The following SPCS3 variants were observed in gnomAD, a reference collection of about 807,000 sequenced individuals.
SPCS3 encodes the protein SPase 22 kDa subunit.
A neutral mutation model predicts 17.2 loss-of-function variants in SPCS3; 9 were observed. The ratio of observed to expected loss-of-function variants is 0.52; its 90% CI spans 0.31 to 0.91. The LOEUF is 0.91. SPCS3 is among the 40% of genes least tolerant of loss of function. The probability of loss-of-function intolerance (pLI) is 0.04; values close to 1 mark genes in which losing one functional copy is unlikely to be tolerated. For missense variants in SPCS3, 139 were observed against 217.5 expected, an observed-to-expected ratio of 0.64 and a Z score of 2.27; for synonymous variants, 87 against 89.6, an observed-to-expected ratio of 0.97 and a Z score of 0.16.
In SPCS3 at chr4:176,329,382, C is replaced by CT. The variant is rs1479400291; in HGVS notation, c.*1053dup. The CT allele has an allele frequency of 9.9e-5, 15 of 152,096 alleles. No homozygotes were observed. Among genetic ancestry groups the CT allele is most frequent in the African/African-American group, 3.6e-4 (15 of 41,438 alleles). The allele number at this position is 152,096 out of a possible 1,614,324, so 9.4% of individuals were successfully genotyped here. On this transcript the variant is annotated 3_prime_UTR_variant, in exon 5 of 5. Coordinates refer to ENST00000503362, the MANE Select transcript of SPCS3 (RefSeq NM_021928.4). The stretch of plus-strand genomic sequence containing the variant: ...GCAAGGAGTGGAATTAAAACTTGAA[C>CT]TCAGATCTTCTAATTTTCTGAGCTC...
At chr4:176,322,364 G>A (rs373616328) in intron 2 of SPCS3, 121 bp downstream of exon 2, 1 of 621,576 alleles carries the variant, frequency 1.6e-6, no homozygotes, top group Non-Finnish European at 2.7e-6. Context: ...TGGAAATTCC[G>A]CCTTTTTCAT....
chr4:176,325,858 C>T (rs1327860019), intron 3 of SPCS3, among the ~76,000 whole-genome samples: 1 of 152,098 alleles, frequency 6.6e-6, no homozygotes, highest in African/African-American at 2.4e-5. Context: ...ATTCCCCTGC[C>T]TCAGCCCCCC....
intron 3 of SPCS3, 113 bp from the exon 4 acceptor site, chr4:176,327,049 C>T (rs1731616838): frequency 8.0e-6 from 5 of 627,858 alleles, no homozygotes; most frequent in Admixed American, 3.6e-5. Flanking sequence ...TCAGCAAGCT[C>T]CTCAAGTTGA....
At chr4:176,322,930 C>T (rs1393894134) in intron 2 of SPCS3, among the ~76,000 whole-genome samples, 1 of 152,010 alleles carries the variant, frequency 6.6e-6, no homozygotes, top group African/African-American at 2.4e-5. Context: ...CCATTTCTAG[C>T]CTGATTTCAT....
At chr4:176,322,050 G>A (rs1731545627) in intron 1 of SPCS3, 120 bp from the exon 2 acceptor site, 2 of 542,390 alleles carry the variant, frequency 3.7e-6, no homozygotes, top group Admixed American at 3.7e-5. Context: ...GTGTTTACTC[G>A]TTTCTTTGTG....
Position 176,328,395 on chromosome 4 carries a change from C to A in SPCS3, c.*65C>A. ...GAATTGTATCTCATTAATCTCTTCC[C>A]TTACATCTTCATGTATTGTTGGTTT... On this transcript the variant is annotated 3_prime_UTR_variant, in exon 5 of 5. Coordinates refer to ENST00000503362, the MANE Select transcript of SPCS3 (RefSeq NM_021928.4). 1 of 1,289,992 alleles carries A rather than the reference C, an allele frequency of 7.8e-7. No homozygotes were observed. The highest frequency in any genetic ancestry group is 2.9e-5 in the East Asian group (1 of 34,478). The allele number at this position is 1,289,992 out of a possible 1,614,324, so 79.9% of individuals were successfully genotyped here.
chr4:176,331,077 G>A lies in SPCS3; in HGVS notation c.*2747G>A, dbSNP rs1212726972. 1 of 152,122 alleles carries A rather than the reference G, an allele frequency of 6.6e-6. No individual in the cohort carries two copies. The highest frequency in any genetic ancestry group is 1.5e-5 in the Non-Finnish European group (1 of 68,034). 9.4% of individuals were successfully genotyped at this position (152,122 alleles called of 1,614,324 possible). A position where few individuals can be genotyped will look rare whatever the true frequency, so the allele number is the denominator to read the frequency against. ...TACAGTTCTTTGGTGGGTCTCGTCAGCCAATTCATAGCTGGGCTTTAAGAT... is the reference window on the plus strand; with the variant it reads ...TACAGTTCTTTGGTGGGTCTCGTCAACCAATTCATAGCTGGGCTTTAAGAT... On this transcript the variant is annotated 3_prime_UTR_variant, in exon 5 of 5. Coordinates refer to ENST00000503362, the MANE Select transcript of SPCS3 (RefSeq NM_021928.4).
chr4:176,327,925 A>G (rs914434571), intron 4 of SPCS3, among the ~76,000 whole-genome samples: 1 of 152,170 alleles, frequency 6.6e-6, no homozygotes, highest in Non-Finnish European at 1.5e-5. Context: ...TGTTTTAATC[A>G]TTTAAACTTT....
chr4:176,320,202 C>A lies in SPCS3; in HGVS notation c.126C>A (p.His42Gln). The change falls in exon 1 of 5, where the codon CAC (histidine) becomes CAA (glutamine). Residue 42 changes from histidine (H) to glutamine (Q), a missense_variant. Coordinates refer to ENST00000503362, the MANE Select transcript of SPCS3 (RefSeq NM_021928.4). The stretch of plus-strand genomic sequence containing the variant: ...ACAGGAGCGTCCCGGTGCGGCTGCA[C>A]GTCTCGCGGATCATGCTGTGAGTGA... ...FKDRSVPVRL[H>Q]VSRIMLKNVE... 4 of 1,571,650 alleles carry A rather than the reference C, an allele frequency of 2.5e-6. No homozygotes were observed. The highest frequency in any genetic ancestry group is 3.4e-6 in the Non-Finnish European group (4 of 1,160,036).
chr4:176,331,377 A>G lies in SPCS3; in HGVS notation c.*3047A>G, dbSNP rs1220583850. The G allele has an allele frequency of 1.3e-5, 2 of 152,172 alleles. No homozygotes were observed. Among genetic ancestry groups the G allele is most frequent in the African/African-American group, 4.8e-5 (2 of 41,436 alleles). The allele number at this position is 152,172 out of a possible 1,614,324, so 9.4% of individuals were successfully genotyped here. A position where few individuals can be genotyped will look rare whatever the true frequency, so the allele number is the denominator to read the frequency against. On this transcript the variant is annotated 3_prime_UTR_variant, in exon 5 of 5. Transcript: ENST00000503362. ...CTGTGAACATTGGTAGCAAACAAGC[A>G]TATATTCATTTCAAAACTTTCCTTG...
chr4:176,325,560 T>TC (rs1731594971), intron 3 of SPCS3, among the ~76,000 whole-genome samples: 1 of 144,008 alleles, frequency 6.9e-6, no homozygotes. Flanking sequence ...ATACCTTTCT[T>TC]TAAAAAAAAA....
intron 3 of SPCS3, among the ~76,000 whole-genome samples, chr4:176,325,741 G>T (rs1467936318): frequency 6.6e-6 from 1 of 151,778 alleles, no homozygotes; most frequent in Non-Finnish European, 1.5e-5. Context: ...TGTTGTTGTT[G>T]TTTTTATTTA....
At chr4:176,323,161 T>TA (rs1731559903) in intron 2 of SPCS3, among the ~76,000 whole-genome samples, 1 of 152,168 alleles carries the variant, frequency 6.6e-6, no homozygotes, top group Non-Finnish European at 1.5e-5. Context: ...TTTTAGGAAA[T>TA]AGAGTGTACC....
Position 176,320,149 on chromosome 4 carries a change from G to A in SPCS3, c.73G>A (p.Gly25Ser), listed in dbSNP as rs769735615. 1 of 1,583,390 alleles carries A rather than the reference G, an allele frequency of 6.3e-7. No individual in the cohort carries two copies. The highest frequency in any genetic ancestry group is 1.1e-5 in the South Asian group (1 of 88,124). The stretch of plus-strand genomic sequence containing the variant: ...GAGCGTGATGGCGGCGCTCACCTTC[G>A]GCTGCTTCATCACCACCGCCTTCAA... ...SLSVMAALTFGCFITTAFKDR... is the reference protein window; with the variant it reads ...SLSVMAALTFSCFITTAFKDR... The change falls in exon 1 of 5, where the codon GGC becomes AGC. Residue 25 changes from glycine to serine, a missense_variant. Coordinates refer to ENST00000503362, the MANE Select transcript of SPCS3 (RefSeq NM_021928.4).
rs540473788 is a variant in SPCS3, at chr4:176,328,698, T to C, written c.*368T>C. On this transcript the variant is annotated 3_prime_UTR_variant, in exon 5 of 5. Transcript: ENST00000503362. Reference sequence around the variant, plus strand: ...AAACTTTCAGGTGCCTGTAGAGTCATAATAACTGTATTTTATGCCTTGCAT... The same window carrying C: ...AAACTTTCAGGTGCCTGTAGAGTCACAATAACTGTATTTTATGCCTTGCAT... The C allele has an allele frequency of 6.5e-6, 1 of 153,298 alleles. No homozygotes were observed. The highest frequency in any genetic ancestry group is 2.4e-5 in the African/African-American group (1 of 41,502). The allele number at this position is 153,298 out of a possible 1,614,324, so 9.5% of individuals were successfully genotyped here.
intron 2 of SPCS3, among the ~76,000 whole-genome samples, 181 bp from the exon 3 acceptor site, chr4:176,324,000 C>T (rs563312657): frequency 1.3e-5 from 2 of 152,072 alleles, no homozygotes; most frequent in East Asian, 3.9e-4. Context: ...TTGGAATAAG[C>T]TGGATTTCAC....
chr4:176,321,433 C>T (rs1731536966), intron 1 of SPCS3: 1 of 152,148 alleles, frequency 6.6e-6, no homozygotes, highest in African/African-American at 2.4e-5. Context: ...GTCAGTGGGT[C>T]TGAGCCGTAG....
intron 3 of SPCS3, among the ~76,000 whole-genome samples, 184 bp downstream of exon 3, chr4:176,324,441 T>A (rs1731577841): frequency 2.6e-5 from 4 of 152,138 alleles, no homozygotes. Context: ...TTGTTGTTGT[T>A]GTTTGTTTGT....
At chr4:176,323,264 G>T (rs1226368771) in intron 2 of SPCS3, among the ~76,000 whole-genome samples, 1 of 152,102 alleles carries the variant, frequency 6.6e-6, no homozygotes, top group Non-Finnish European at 1.5e-5. Context: ...TCTACTGTGA[G>T]GGTAGTAATT....
Sources: allele counts gnomAD v4.1 joint callset (sites outside exome capture counted in the v4.1 genomes callset), GRCh38; gene constraint gnomAD v4.1.1; transcripts MANE v1.5; gene names NCBI Gene and HGNC (gene_info 2026-07-23, HGNC 2026-07-21).